TNFRSF17: variants seen among roughly 807,000 people sequenced by gnomAD.
The protein encoded by TNFRSF17 is TNF receptor superfamily member 17, also known as tumor necrosis factor receptor superfamily member 17.
Under a neutral mutation model 9.9 loss-of-function variants are expected in TNFRSF17, and 13 were observed. The observed-to-expected ratio is 1.31, with a 90% confidence interval of 0.85 to 2.08. TNFRSF17 has a LOEUF of 2.08. Ranked by LOEUF, TNFRSF17 falls within the 30% of genes most tolerant of loss-of-function variation. The probability of loss-of-function intolerance (pLI) is 0.00; values close to 1 mark genes in which losing one functional copy is unlikely to be tolerated. For synonymous variants in TNFRSF17, 99 were observed against 83.7 expected (o/e 1.18, Z -1.00); for missense variants, 305 against 225.8 (o/e 1.35, Z -2.25).
chr16:11,965,693 TAA>T (rs1395408209), intron 1 of TNFRSF17, among the ~76,000 whole-genome samples: 1 of 152,222 alleles, frequency 6.6e-6, no homozygotes, highest in African/African-American at 2.4e-5. Flanking sequence ...CTCTTCTAAT[TAA>T]GTGATATTTA....
At chr16:11,966,472 A>T (rs2055195199) in intron 2 of TNFRSF17, 131 bp downstream of exon 2, 1 of 932,724 alleles carries the variant, frequency 1.1e-6, no homozygotes, top group Admixed American at 3.0e-5. Context: ...GAACATTGTT[A>T]CATTAAATGA....
At chr16:11,967,052 G>C (rs1173965343) in intron 2 of TNFRSF17, 1 of 215,022 alleles carries the variant, frequency 4.7e-6, no homozygotes, top group Non-Finnish European at 9.5e-6. Context: ...CCAGGCTGGA[G>C]TGCAGTGGCG....
At position 11,965,379 on chromosome 16, in the gene TNFRSF17, C is replaced by A. The variant is rs375886084; in HGVS notation, c.55C>A (p.His19Asn). ...AAATGAATATTTTGACAGTTTGTTGCATGCTTGCATACCTTGTCAACTTCG... is the reference window on the plus strand; with the variant it reads ...AAATGAATATTTTGACAGTTTGTTGAATGCTTGCATACCTTGTCAACTTCG... The part of the protein sequence containing the change: ...SQNEYFDSLL[H>N]ACIPCQLRCS... The change falls in exon 1 of 3, where the codon CAT becomes AAT. Residue 19 changes from histidine to asparagine, a missense_variant. Transcript: ENST00000053243. 56 of 1,614,076 alleles carry A rather than the reference C, an allele frequency of 3.5e-5. No homozygotes were observed. The highest frequency in any genetic ancestry group is 4.3e-5 in the Non-Finnish European group (51 of 1,180,030).
intron 1 of TNFRSF17, among the ~76,000 whole-genome samples, 183 bp downstream of exon 1, chr16:11,965,637 A>G (rs976728542): frequency 6.6e-6 from 1 of 152,214 alleles, no homozygotes; most frequent in Non-Finnish European, 1.5e-5. Context: ...ACTGAACTTG[A>G]TATGATTCAG....
rs556321006 is a variant in TNFRSF17, at chr16:11,965,232, C to T, written c.-93C>T. 3.9e-4 allele frequency: 595 copies of T among 1,533,812 alleles called. No homozygotes were observed. Among genetic ancestry groups the T allele is most frequent in the Non-Finnish European group, 4.9e-4 (548 of 1,122,878 alleles). The stretch of plus-strand genomic sequence containing the variant: ...TTCATTGTTCTCAACATTCTAGCTG[C>T]TCTTGCTGCATTTGCTCTGGAATTC... On this transcript the variant is annotated 5_prime_UTR_variant, in exon 1 of 3. Coordinates refer to ENST00000053243, the MANE Select transcript of TNFRSF17 (RefSeq NM_001192.3).
chr16:11,967,890 G>A lies in TNFRSF17; in HGVS notation c.*43G>A, dbSNP rs2055208715. The stretch of plus-strand genomic sequence containing the variant: ...AGCAGTGCCACTTTAAAAATCTTTT[G>A]TCAGAATAGATGATGTGTCAGATCT... On this transcript the variant is annotated 3_prime_UTR_variant, in exon 3 of 3. Coordinates refer to ENST00000053243, the MANE Select transcript of TNFRSF17 (RefSeq NM_001192.3). 6.3e-7 allele frequency: 1 copy of A among 1,593,094 alleles called. No homozygotes were observed. The highest frequency in any genetic ancestry group is 1.3e-5 in the African/African-American group (1 of 74,408).
At position 11,965,303 on chromosome 16, in the gene TNFRSF17, C is replaced by T. The variant is rs775728959; in HGVS notation, c.-22C>T. On this transcript the variant is annotated 5_prime_UTR_variant, in exon 1 of 3. Transcript: ENST00000053243. ...CTTCCAGGCTGTTCTTTCTGTAGCT[C>T]CCTTGTTTTCTTTTTGTGATCATGT... 5.6e-6 allele frequency: 9 copies of T among 1,613,758 alleles called. No individual in the cohort carries two copies. Among genetic ancestry groups the T allele is most frequent in the Non-Finnish European group, 6.8e-6 (8 of 1,179,812 alleles).
chr16:11,967,340 C>A (rs11570157), intron 2 of TNFRSF17, among the ~76,000 whole-genome samples: 2,067 of 152,248 alleles, frequency 0.014, 47 homozygotes, highest in African/African-American at 0.047. Flanking sequence ...CTGTTTCAAG[C>A]TGGGTGTGGT....
Position 11,968,021 on chromosome 16 carries a change from A to G in TNFRSF17, c.*174A>G. ...TCTCTAGGTTACTGTTGGGAGCTTA[A>G]TGGTAGAAACTTCCTTGGTTTCATG... On this transcript the variant is annotated 3_prime_UTR_variant, in exon 3 of 3. Coordinates refer to ENST00000053243, the MANE Select transcript of TNFRSF17 (RefSeq NM_001192.3). The G allele has an allele frequency of 1.4e-6, 1 of 698,900 alleles. No homozygotes were observed. Among genetic ancestry groups the G allele is most frequent in the Middle Eastern group, 4.1e-4 (1 of 2,444 alleles). 43.3% of individuals were successfully genotyped at this position (698,900 alleles called of 1,614,324 possible).
In TNFRSF17 at chr16:11,965,412, T is replaced by G. The variant is rs190015454; in HGVS notation, c.88T>G (p.Ser30Ala). 27 of 1,614,198 alleles carry G rather than the reference T, an allele frequency of 1.7e-5. No individual in the cohort carries two copies. The South Asian group carries it at 1.8e-4, about 11-fold the overall frequency. ...ACIPCQLRCS[S>A]NTPPLTCQRY... is the part of the protein sequence containing the mutation. ...CATACCTTGTCAACTTCGATGTTCT[T>G]CTAATACTCCTCCTCTAACATGTCA... Residue 30 changes from serine (S) to alanine (A), a missense_variant, in exon 1 of 3, where the codon TCT (serine) becomes GCT (alanine). Transcript: ENST00000053243.
At position 11,965,833 on chromosome 16, in the gene TNFRSF17, C is replaced by T. The variant is rs3928318; in HGVS notation, c.131-362C>T. On this transcript the variant is annotated intron_variant, in intron 1 of 2. Coordinates refer to ENST00000053243, the MANE Select transcript of TNFRSF17 (RefSeq NM_001192.3). Reference sequence around the variant, plus strand: ...AATAATCAAGTATGACAGCCGGGTGCGGTGGATGGCTCACACCTGTAATCC... The same window carrying T: ...AATAATCAAGTATGACAGCCGGGTGTGGTGGATGGCTCACACCTGTAATCC... Among the ~76,000 whole-genome samples, 8 of 152,100 alleles carry T rather than the reference C, an allele frequency of 5.3e-5. No homozygotes were observed. The South Asian group carries it at 1.2e-3, about 24-fold the overall frequency.
chr16:11,965,611 AAAGT>A (rs2055187268), intron 1 of TNFRSF17, among the ~76,000 whole-genome samples, 157 bp downstream of exon 1: 2 of 152,238 alleles, frequency 1.3e-5, no homozygotes, highest in Admixed American at 6.5e-5. Flanking sequence ...TTATGGAAAC[AAAGT>A]AATTATTTGG....
At chr16:11,966,411 T>C (rs989095494) in intron 2 of TNFRSF17, 70 bp downstream of exon 2, 2 of 1,488,108 alleles carry the variant, frequency 1.3e-6, no homozygotes, top group African/African-American at 2.8e-5. Context: ...GTTCCTTTTC[T>C]TTTTTTAGCG....
intron 2 of TNFRSF17, 79 bp from the exon 3 acceptor site, chr16:11,967,491 C>G: frequency 1.4e-6 from 2 of 1,401,316 alleles, no homozygotes; most frequent in African/African-American, 1.4e-5. Flanking sequence ...TGCTTTGAGT[C>G]CCGATGTGTA....
At chr16:11,966,075 C>T (rs2055191057) in intron 1 of TNFRSF17, 120 bp from the exon 2 acceptor site, 1 of 1,012,908 alleles carries the variant, frequency 9.9e-7, no homozygotes, top group Non-Finnish European at 1.4e-6. Context: ...CGCGCCACTG[C>T]ACTCTAGCCT....
At chr16:11,966,972 GTATGCATT>G (rs1359340991) in intron 2 of TNFRSF17, 2 of 160,248 alleles carry the variant, frequency 1.2e-5, no homozygotes, top group Non-Finnish European at 2.5e-5. Flanking sequence ...CCCTATTTCT[GTATGCATT>G]TATTTATTTA....
At chr16:11,966,385 G>C in intron 2 of TNFRSF17, 44 bp downstream of exon 2, 2 of 1,576,522 alleles carry the variant, frequency 1.3e-6, no homozygotes, top group East Asian at 4.5e-5. Flanking sequence ...CCAGGGGATG[G>C]CTATTGTGAG....
chr16:11,965,324 C>T lies in TNFRSF17; in HGVS notation c.-1C>T, dbSNP rs1354572736. On this transcript the variant is annotated 5_prime_UTR_variant, in exon 1 of 3. Coordinates refer to ENST00000053243, the MANE Select transcript of TNFRSF17 (RefSeq NM_001192.3). ...AGCTCCCTTGTTTTCTTTTTGTGAT[C>T]ATGTTGCAGATGGCTGGGCAGTGCT... 6.2e-7 allele frequency: 1 copy of T among 1,613,906 alleles called. No individual in the cohort carries two copies. The highest frequency in any genetic ancestry group is 1.1e-5 in the South Asian group (1 of 91,026).
intron 2 of TNFRSF17, 96 bp downstream of exon 2, chr16:11,966,437 C>T (rs1042741497): frequency 8.0e-6 from 10 of 1,247,798 alleles, no homozygotes; most frequent in East Asian, 2.4e-5. Flanking sequence ...TATTTCACTT[C>T]GTTACAGCCC....
Sources: gnomAD v4.1 joint callset for allele counts (sites outside exome capture counted in the v4.1 genomes callset) on GRCh38, gnomAD v4.1.1 for gene constraint, MANE v1.5 for transcripts, NCBI Gene and HGNC (gene_info 2026-07-23, HGNC 2026-07-21) for gene names.